CLSTN2: variants seen among roughly 807,000 people sequenced by gnomAD.
CLSTN2 encodes the protein calsyntenin-2.
In CLSTN2, 48 loss-of-function variants were observed where a neutral mutation model predicts 101.2. The ratio of observed to expected loss-of-function variants is 0.47; its 90% CI spans 0.38 to 0.60. The LOEUF (loss-of-function observed/expected upper bound fraction) is 0.60, where lower values mean the gene tolerates loss of function less well. Among genes scored for constraint, CLSTN2 ranks in the 20% least tolerant of loss-of-function variants. The probability of loss-of-function intolerance (pLI) is 0.00; values close to 1 mark genes in which losing one functional copy is unlikely to be tolerated. For synonymous variants in CLSTN2, 481 were observed against 463.6 expected (o/e 1.04, Z -0.48); for missense variants, 1,160 against 1,238.2 (o/e 0.94, Z 0.95).
intron 1 of CLSTN2, among the ~76,000 whole-genome samples, chr3:140,000,383 A>T (rs994785198): frequency 6.6e-6 from 1 of 152,218 alleles, no homozygotes; most frequent in African/African-American, 2.4e-5. Flanking sequence ...AAATGTGAAG[A>T]CCAGTGCCTG....
At chr3:140,122,364 T>A (rs1249995894) in intron 1 of CLSTN2, among the ~76,000 whole-genome samples, 5 of 152,146 alleles carry the variant, frequency 3.3e-5, no homozygotes, top group African/African-American at 4.8e-5. Flanking sequence ...CGTGGATAGA[T>A]GTGAGGAGAA....
chr3:139,993,801 G>A (rs1242533361), intron 1 of CLSTN2, among the ~76,000 whole-genome samples: 2 of 151,954 alleles, frequency 1.3e-5, no homozygotes, highest in Admixed American at 1.3e-4. Context: ...TCTGACAAAC[G>A]GGTATAAAAA....
intron 2 of CLSTN2, among the ~76,000 whole-genome samples, chr3:140,307,900 T>A (rs1336729281): frequency 1.3e-5 from 2 of 152,156 alleles, no homozygotes; most frequent in Non-Finnish European, 2.9e-5. Flanking sequence ...CATTTAACAA[T>A]TAGGGTTGTA....
At chr3:140,208,585 C>G (rs1414636613) in intron 2 of CLSTN2, among the ~76,000 whole-genome samples, 2 of 151,992 alleles carry the variant, frequency 1.3e-5, no homozygotes, top group African/African-American at 4.8e-5. Context: ...TGGTATTTTC[C>G]TGCCTTCTTA....
chr3:140,374,208 A>G (rs1358799466), intron 2 of CLSTN2, among the ~76,000 whole-genome samples: 2 of 152,198 alleles, frequency 1.3e-5, no homozygotes, highest in Non-Finnish European at 2.9e-5. Flanking sequence ...TTTACTGTTT[A>G]ATTCTGTGAC....
intron 1 of CLSTN2, among the ~76,000 whole-genome samples, chr3:139,991,818 C>T (rs533354403): frequency 6.6e-6 from 1 of 152,260 alleles, no homozygotes; most frequent in South Asian, 2.1e-4. Flanking sequence ...AATCCAGGTG[C>T]TTGGGCAACA....
chr3:140,169,153 C>T (rs1409570210), intron 1 of CLSTN2, among the ~76,000 whole-genome samples: 9 of 152,048 alleles, frequency 5.9e-5, no homozygotes, highest in African/African-American at 2.2e-4. Flanking sequence ...AAAACCTCTT[C>T]AGATCTTTAA....
intron 13 of CLSTN2, among the ~76,000 whole-genome samples, 180 bp downstream of exon 13, chr3:140,562,488 T>C (rs1412930528): frequency 6.6e-6 from 1 of 152,228 alleles, no homozygotes; most frequent in African/African-American, 2.4e-5. Context: ...CTCCAGCATC[T>C]TGGGGACCAG....
At chr3:140,502,557 G>A (rs548283330) in intron 8 of CLSTN2, among the ~76,000 whole-genome samples, 15 of 152,158 alleles carry the variant, frequency 9.9e-5, no homozygotes, top group Non-Finnish European at 1.6e-4. Flanking sequence ...TAAAGTAATC[G>A]TGAATTACAC....
intron 1 of CLSTN2, among the ~76,000 whole-genome samples, chr3:139,990,081 A>G (rs1429007552): frequency 6.6e-6 from 1 of 152,210 alleles, no homozygotes; most frequent in Non-Finnish European, 1.5e-5. Flanking sequence ...GCTTGTAGGC[A>G]TTGGAAGGCT....
rs967191214 is a variant in CLSTN2, at chr3:140,297,549, G to A, written c.233-106080G>A. Among the ~76,000 whole-genome samples, 3 of 152,280 alleles carry A rather than the reference G, an allele frequency of 2.0e-5. 1 individual carries two copies. The highest frequency in any genetic ancestry group is 6.5e-5 in the Admixed American group (1 of 15,300). On this transcript the variant is annotated intron_variant, in intron 2 of 16. Transcript: ENST00000458420. ...GGGCCAGGTAAATGTTTTGGGCTTT[G>A]TAGGCCAAGAGGTAAAATAGAGTAA...
chr3:140,256,135 G>T (rs2086602106), intron 2 of CLSTN2, among the ~76,000 whole-genome samples: 1 of 152,180 alleles, frequency 6.6e-6, no homozygotes, highest in Non-Finnish European at 1.5e-5. Flanking sequence ...TATGGCAGCT[G>T]AAGAACAAGA....
At chr3:140,225,917 TAAAA>T (rs755515327) in intron 2 of CLSTN2, among the ~76,000 whole-genome samples, 61 of 151,538 alleles carry the variant, frequency 4.0e-4, no homozygotes, top group African/African-American at 1.4e-3. Flanking sequence ...TGATTTTTTT[TAAAA>T]AAAAAAGGAC....
chr3:140,380,025 C>T (rs773459661), intron 2 of CLSTN2, among the ~76,000 whole-genome samples: 4 of 152,128 alleles, frequency 2.6e-5, no homozygotes, highest in Non-Finnish European at 5.9e-5. Flanking sequence ...AGAGATACTA[C>T]TATAAGTGAT....
At chr3:140,516,133 T>C (rs1186555452) in intron 8 of CLSTN2, among the ~76,000 whole-genome samples, 6 of 152,182 alleles carry the variant, frequency 3.9e-5, no homozygotes, top group Non-Finnish European at 8.8e-5. Context: ...AGTTTGTTTT[T>C]TCTGATATAA....
intron 8 of CLSTN2, among the ~76,000 whole-genome samples, chr3:140,524,903 A>G (rs1171837507): frequency 6.6e-6 from 1 of 152,232 alleles, no homozygotes; most frequent in Non-Finnish European, 1.5e-5. Flanking sequence ...ATTATTGAAA[A>G]TAGTGACCCA....
At chr3:140,181,749 C>G (rs1461138693) in intron 2 of CLSTN2, among the ~76,000 whole-genome samples, 1 of 152,056 alleles carries the variant, frequency 6.6e-6, no homozygotes, top group Non-Finnish European at 1.5e-5. Context: ...CCTTACCAAC[C>G]TTGGGGAACA....
intron 6 of CLSTN2, among the ~76,000 whole-genome samples, chr3:140,449,121 T>C (rs572637880): frequency 9.8e-5 from 15 of 152,306 alleles, no homozygotes; most frequent in African/African-American, 3.1e-4. Flanking sequence ...TGGAAAGGGA[T>C]TGGTCTCCTC....
chr3:140,508,239 AC>A (rs1185713960), intron 8 of CLSTN2: 1 of 138,720 alleles, frequency 7.2e-6, no homozygotes, highest in Non-Finnish European at 1.5e-5. Context: ...TCTTGGACAG[AC>A]GGCACTGCTG....
Sources: gnomAD v4.1 joint callset for allele counts (sites outside exome capture counted in the v4.1 genomes callset) on GRCh38, gnomAD v4.1.1 for gene constraint, MANE v1.5 for transcripts, NCBI Gene and HGNC (gene_info 2026-07-23, HGNC 2026-07-21) for gene names.